Variants in LPP observed in about 807,000 individuals in gnomAD.
The protein encoded by LPP is LIM domain containing preferred translocation partner in lipoma.
In LPP, 38 loss-of-function variants were observed where a neutral mutation model predicts 60.4. That is an observed-to-expected ratio of 0.63 (90% confidence interval 0.49 to 0.83). The LOEUF is 0.83. Ranked by LOEUF, LPP falls within the 40% of genes least tolerant of loss-of-function variation. The pLI is 0.00. For missense variants in LPP, 902 were observed against 783.6 expected, an observed-to-expected ratio of 1.15 and a Z score of -1.80; for synonymous variants, 328 against 290.8, an observed-to-expected ratio of 1.13 and a Z score of -1.30.
chr3:188,336,049 G>A (rs1040518592), intron 2 of LPP, among the ~76,000 whole-genome samples: 16 of 152,230 alleles, frequency 1.1e-4, no homozygotes, highest in Non-Finnish European at 2.1e-4. Context: ...AGAAATTTGT[G>A]GCAGTGGTGG....
At chr3:188,664,745 C>G (rs1855400552) in intron 7 of LPP, among the ~76,000 whole-genome samples, 1 of 152,070 alleles carries the variant, frequency 6.6e-6, no homozygotes, top group South Asian at 2.1e-4. Context: ...GTATTATATT[C>G]TGTGTTACTG....
chr3:188,247,665 G>A (rs930517397), intron 2 of LPP, among the ~76,000 whole-genome samples: 2 of 152,022 alleles, frequency 1.3e-5, no homozygotes, highest in African/African-American at 4.8e-5. Flanking sequence ...TGGGCATGGT[G>A]GCACATGCCT....
chr3:188,757,228 G>A (rs1269814162), intron 8 of LPP, among the ~76,000 whole-genome samples: 2 of 79,270 alleles, frequency 2.5e-5, no homozygotes, highest in East Asian at 1.9e-4. Flanking sequence ...CACTGACATC[G>A]TGACATCGTC....
chr3:188,384,750 A>T (rs1578502934), intron 3 of LPP, among the ~76,000 whole-genome samples: 1 of 113,202 alleles, frequency 8.8e-6, no homozygotes, highest in South Asian at 3.6e-4. Flanking sequence ...AGATTGCGTC[A>T]CTGCACTCCA....
chr3:188,250,311 A>G (rs1469650483), intron 2 of LPP, among the ~76,000 whole-genome samples: 4 of 152,004 alleles, frequency 2.6e-5, no homozygotes, highest in Admixed American at 2.0e-4. Context: ...TGGTTTCTTC[A>G]TGTTTTGATT....
At chr3:188,324,009 T>A (rs553820518) in intron 2 of LPP, among the ~76,000 whole-genome samples, 1 of 152,044 alleles carries the variant, frequency 6.6e-6, no homozygotes, top group Non-Finnish European at 1.5e-5. Flanking sequence ...TGACACAGAA[T>A]AAGCTTTCAA....
In LPP at chr3:188,617,855, A is replaced by G. The variant is rs528510307; in HGVS notation, c.1113+8011A>G. Among the ~76,000 whole-genome samples the G allele has an allele frequency of 4.8e-4, 73 of 152,196 alleles. No individual in the cohort carries two copies. In the South Asian group the frequency reaches 0.014, roughly 29 times the overall value. On this transcript the variant is annotated intron_variant, in intron 7 of 11. Coordinates refer to ENST00000617246, the MANE Select transcript of LPP (RefSeq NM_001375462.1). Reference sequence around the variant, plus strand: ...CAGTGTTTTTTCTTTGTTTTGTTTTACTTCAGTTCTAAGCAAAGCAGTTAT... The same window carrying G: ...CAGTGTTTTTTCTTTGTTTTGTTTTGCTTCAGTTCTAAGCAAAGCAGTTAT...
At chr3:188,697,356 G>A (rs1372869803) in intron 7 of LPP, among the ~76,000 whole-genome samples, 8 of 152,130 alleles carry the variant, frequency 5.3e-5, no homozygotes, top group Non-Finnish European at 1.0e-4. Flanking sequence ...AATTTACCTC[G>A]CCATGGAAAG....
chr3:188,160,974 G>A (rs1718088952), intron 1 of LPP, among the ~76,000 whole-genome samples: 1 of 152,202 alleles, frequency 6.6e-6, no homozygotes, highest in African/African-American at 2.4e-5. Flanking sequence ...TTTACATGGT[G>A]GATAGGAGTG....
intron 2 of LPP, among the ~76,000 whole-genome samples, chr3:188,274,975 C>T (rs1739148110): frequency 6.6e-6 from 1 of 152,170 alleles, no homozygotes; most frequent in South Asian, 2.1e-4. Flanking sequence ...GACAGTCAAG[C>T]TTTCTAGGTA....
intron 2 of LPP, among the ~76,000 whole-genome samples, chr3:188,318,904 G>A (rs535013497): frequency 2.3e-3 from 343 of 150,292 alleles, no homozygotes; most frequent in African/African-American, 7.9e-3. Flanking sequence ...GACTACAGGC[G>A]CGCGCCACTA....
intron 9 of LPP, among the ~76,000 whole-genome samples, chr3:188,826,889 G>C (rs150108489): frequency 3.3e-5 from 5 of 152,036 alleles, no homozygotes; most frequent in Admixed American, 2.0e-4. Context: ...ACTTCATAAT[G>C]ATGATAAGAT....
intron 4 of LPP, among the ~76,000 whole-genome samples, chr3:188,426,428 G>A (rs1789354906): frequency 2.0e-5 from 3 of 152,104 alleles, no homozygotes; most frequent in African/African-American, 7.2e-5. Flanking sequence ...TATATATTTT[G>A]TTGATTTGGG....
At chr3:188,240,654 A>C (rs184758010) in intron 2 of LPP, among the ~76,000 whole-genome samples, 2 of 152,038 alleles carry the variant, frequency 1.3e-5, no homozygotes, top group African/African-American at 4.8e-5. Context: ...GCGTAATCAT[A>C]ACTATCCAAT....
chr3:188,782,747 A>G (rs1740232058), intron 9 of LPP, among the ~76,000 whole-genome samples: 1 of 151,576 alleles, frequency 6.6e-6, no homozygotes, highest in African/African-American at 2.4e-5. Flanking sequence ...GGGAAAAAAA[A>G]AAACAAAACA....
chr3:188,886,276 A>G lies in LPP; in HGVS notation c.*11797A>G, dbSNP rs1770652921. The G allele has an allele frequency of 6.2e-6, 1 of 160,126 alleles. No homozygotes were observed. The highest frequency in any genetic ancestry group is 1.4e-5 in the Non-Finnish European group (1 of 73,208). 9.9% of individuals were successfully genotyped at this position (160,126 alleles called of 1,614,324 possible). A position where few individuals can be genotyped will look rare whatever the true frequency, so the allele number is the denominator to read the frequency against. On this transcript the variant is annotated 3_prime_UTR_variant, in exon 12 of 12. Coordinates refer to ENST00000617246, the MANE Select transcript of LPP (RefSeq NM_001375462.1). Reference sequence around the variant, plus strand: ...TGTAACTAACCTGCACATTGTGCACATGTACCCTAAAACTTAAAGTATAAT... The same window carrying G: ...TGTAACTAACCTGCACATTGTGCACGTGTACCCTAAAACTTAAAGTATAAT...
chr3:188,636,198 C>T (rs959943956), intron 7 of LPP, among the ~76,000 whole-genome samples: 15 of 152,278 alleles, frequency 9.9e-5, no homozygotes, highest in East Asian at 3.9e-4. Flanking sequence ...AGTGGGTGCG[C>T]GCACCGTGTG....
At chr3:188,370,690 G>T (rs1772784554) in intron 3 of LPP, among the ~76,000 whole-genome samples, 1 of 152,106 alleles carries the variant, frequency 6.6e-6, no homozygotes, top group African/African-American at 2.4e-5. Context: ...GCCCAACTGT[G>T]TTGGGCAGAA....
intron 2 of LPP, among the ~76,000 whole-genome samples, chr3:188,231,917 T>C (rs1720136948): frequency 6.6e-6 from 1 of 152,166 alleles, no homozygotes; most frequent in African/African-American, 2.4e-5. Context: ...TAAATCAATA[T>C]TACACGGCTC....
Sources: allele counts gnomAD v4.1 joint callset (sites outside exome capture counted in the v4.1 genomes callset), GRCh38; gene constraint gnomAD v4.1.1; transcripts MANE v1.5; gene names NCBI Gene and HGNC (gene_info 2026-07-23, HGNC 2026-07-21).